The following NCOR2 variants were observed in gnomAD, a reference collection of about 807,000 sequenced individuals.
The protein encoded by NCOR2 is nuclear receptor corepressor 2.
A neutral mutation model predicts 262.9 loss-of-function variants in NCOR2; 81 were observed. The ratio of observed to expected loss-of-function variants is 0.31; its 90% CI spans 0.26 to 0.37. The LOEUF is 0.37. NCOR2 is among the 10% of genes least tolerant of loss of function. NCOR2 has a pLI of 1.00. For missense variants in NCOR2, 3,385 were observed against 3,621.4 expected, an observed-to-expected ratio of 0.93 and a Z score of 1.68; for synonymous variants, 1,659 against 1,559.3, an observed-to-expected ratio of 1.06 and a Z score of -1.51.
rs1259728191 is a variant in NCOR2 at position 124,486,717 on chromosome 12, G to A, written c.106-149C>T. The A allele has an allele frequency of 4.8e-6, 5 of 1,044,490 alleles. No homozygotes were observed. In the East Asian group the frequency reaches 8.5e-5, roughly 18 times the overall value. 64.7% of individuals were successfully genotyped at this position (1,044,490 alleles called of 1,614,324 possible). ...CCCAAGTCCTGCAGGGAACCTCAGG[G>A]ACCGTCTGGCCAGAGGCTACCCTTG... On this transcript the variant is annotated intron_variant, in intron 1 of 46. Coordinates refer to ENST00000405201, the Ensembl canonical transcript of NCOR2.
intron 7 of NCOR2, 40 bp downstream of exon 9, chr12:124,449,775 C>T (rs1451447401): frequency 6.2e-7 from 1 of 1,610,848 alleles, no homozygotes; most frequent in South Asian, 1.1e-5. Flanking sequence ...CTCGCCCACC[C>T]TGCCTCTGTG....
At chr12:124,357,700 G>A (rs1365904369) in intron 22 of NCOR2, among the ~76,000 whole-genome samples, 1 of 152,380 alleles carries the variant, frequency 6.6e-6, no homozygotes, top group East Asian at 1.9e-4. Flanking sequence ...AGATTGTCTG[G>A]CCCACAAAGC....
At chr12:124,562,194 A>G (rs2052094396) in intron 1 of NCOR2, 1 of 152,172 alleles carries the variant, frequency 6.6e-6, no homozygotes, top group Non-Finnish European at 1.5e-5. Context: ...AATTAAATAA[A>G]ATGACCAGTT....
At chr12:124,355,268 T>C in intron 24 of NCOR2, 164 bp downstream of exon 26, 1 of 805,356 alleles carries the variant, frequency 1.2e-6, no homozygotes, top group Non-Finnish European at 1.9e-6. Flanking sequence ...GACGAGGCCC[T>C]GAGTGCCTGG....
At chr12:124,564,642 C>T (rs2052175208) in intron 1 of NCOR2, among the ~76,000 whole-genome samples, 1 of 151,568 alleles carries the variant, frequency 6.6e-6, no homozygotes, top group African/African-American at 2.4e-5. Context: ...ATCTCCCTTC[C>T]CACAGACAGG....
At chr12:124,538,778 C>G (rs4765577), upstream of NCOR2, 62,824 of 152,156 alleles carry the variant, frequency 0.41, 14,237 homozygotes, top group Middle Eastern at 0.56. Flanking sequence ...GGCAGGCAAG[C>G]GATGGTGAGA....
chr12:124,517,759 G>A lies in NCOR2; in HGVS notation c.-118+17806C>T, dbSNP rs914481119. Among the ~76,000 whole-genome samples, 2 of 152,182 alleles carry A rather than the reference G, an allele frequency of 1.3e-5. No homozygotes were observed. The highest frequency in any genetic ancestry group is 1.9e-4 in the East Asian group (1 of 5,176). ...ACCCGGGTCCCCTCCCACGCGGGCC[G>A]GCCAAGAAGCCTCACCCCGGCCTGC... On this transcript the variant is annotated intron_variant, in intron 1 of 46. Transcript: ENST00000404621. The surrounding 1 kb of genome is among the most constrained non-coding windows in gnomAD (Gnocchi z 7.6).
At chr12:124,490,714 C>T (rs185077885) in intron 1 of NCOR2, among the ~76,000 whole-genome samples, 21 of 152,362 alleles carry the variant, frequency 1.4e-4, no homozygotes, top group Non-Finnish European at 2.9e-4. Flanking sequence ...CCCAGCCTGG[C>T]CCAGGCAGTC....
In NCOR2 at chr12:124,531,785, G is replaced by A. The variant is rs11057658; in HGVS notation, c.-118+3780C>T. On this transcript the variant is annotated intron_variant, in intron 1 of 46. Transcript: ENST00000404621. This position sits in a 1 kb window ranked among gnomAD's most constrained non-coding sequence, Gnocchi z 4.5. ...CTAAAACCTCCCCCTACACACCTTC[G>A]GTGTCCCCGATCACCCGCCCAGGGT... Among the ~76,000 whole-genome samples the A allele has an allele frequency of 0.24, 34,922 of 147,412 alleles. 4,962 individuals are homozygous for A. The highest frequency in any genetic ancestry group is 0.37 in the East Asian group (1,809 of 4,878).
chr12:124,458,711 A>G lies in NCOR2; in HGVS notation c.706-1549T>C, dbSNP rs139141655. On this transcript the variant is annotated intron_variant, in intron 5 of 46. Coordinates refer to ENST00000405201, the Ensembl canonical transcript of NCOR2. ...GAGGCACAGAAACAAAACACAGGGA[A>G]GAAGCCCTTCTTATGACCTCCAGGA... Among the ~76,000 whole-genome samples, 8 of 152,360 alleles carry G rather than the reference A, an allele frequency of 5.3e-5. No homozygotes were observed. The East Asian group carries it at 1.3e-3, about 26-fold the overall frequency.
intron 27 of NCOR2, among the ~76,000 whole-genome samples, chr12:124,352,529 T>A (rs2037579018): frequency 6.6e-6 from 1 of 152,148 alleles, no homozygotes; most frequent in Non-Finnish European, 1.5e-5. Context: ...TGTGCCACCA[T>A]GCCCAGCCAA....
chr12:124,362,430 C>T (rs1473889293), intron 21 of NCOR2, 133 bp from the exon 24 acceptor site: 6 of 806,820 alleles, frequency 7.4e-6, no homozygotes, highest in South Asian at 2.7e-5. Flanking sequence ...GTCCCAGGTG[C>T]GGCAAGAAAG....
intron 7 of NCOR2, among the ~76,000 whole-genome samples, chr12:124,447,343 A>G (rs2045243692): frequency 6.6e-6 from 1 of 152,254 alleles, no homozygotes; most frequent in Non-Finnish European, 1.5e-5. Context: ...GAAGATTATG[A>G]GATGTCAAAT....
At chr12:124,351,080 C>T (rs373070217) in intron 27 of NCOR2, among the ~76,000 whole-genome samples, 55 of 152,282 alleles carry the variant, frequency 3.6e-4, no homozygotes, top group African/African-American at 1.2e-3. Context: ...TGACTTTACC[C>T]GGGGTCACCT....
At chr12:124,368,843 C>T (rs2136004941) in intron 20 of NCOR2, among the ~76,000 whole-genome samples, 2 of 152,380 alleles carry the variant, frequency 1.3e-5, no homozygotes, top group African/African-American at 4.8e-5. Flanking sequence ...GGAGTCAGGG[C>T]CTTGTCTGTG....
chr12:124,355,552 G>A, exon 24 of NCOR2: 2 of 1,582,122 alleles, frequency 1.3e-6, no homozygotes, highest in Non-Finnish European at 1.7e-6. Context: ...TGTCATGGAG[G>A]CCCAGGGGCA....
chr12:124,365,623 G>A (rs1207675030), intron 20 of NCOR2, among the ~76,000 whole-genome samples: 2 of 152,184 alleles, frequency 1.3e-5, no homozygotes, highest in Non-Finnish European at 2.9e-5. Flanking sequence ...GGTGATGCCT[G>A]CTTAGGCTGC....
At chr12:124,495,925 G>A (rs149718320), upstream of NCOR2, among the ~76,000 whole-genome samples, 212 of 152,286 alleles carry the variant, frequency 1.4e-3, no homozygotes, top group African/African-American at 4.9e-3. This position sits in a 1 kb window ranked among gnomAD's most constrained non-coding sequence, Gnocchi z 4.4. Flanking sequence ...CTGATATGAG[G>A]TTAGCCAGAT....
rs1040543957 is a variant in NCOR2, at chr12:124,337,187, G to T, written c.5688-7C>A. On this transcript the variant is annotated splice_polypyrimidine_tract_variant and splice_region_variant and intron_variant, in intron 37 of 46. Transcript: ENST00000405201. ...TGAGGAGGTGGAGGTGGACCTGGGG[G>T]AGGAGAGAAGGCGGTCAGGCAGTCA... 3 of 1,545,064 alleles carry T rather than the reference G, an allele frequency of 1.9e-6. No homozygotes were observed. Among genetic ancestry groups the T allele is most frequent in the Admixed American group, 3.9e-5 (2 of 50,788 alleles).
Sources: allele counts gnomAD v4.1 joint callset (sites outside exome capture counted in the v4.1 genomes callset), GRCh38; gene constraint gnomAD v4.1.1; non-coding constraint Gnocchi (gnomAD v3.1); transcripts MANE v1.5; gene names NCBI Gene and HGNC (gene_info 2026-07-23, HGNC 2026-07-21).